Variants in APPBP2 observed in about 807,000 individuals in gnomAD.
The protein encoded by APPBP2 is amyloid protein-binding protein 2.
In APPBP2, 15 loss-of-function variants were observed where a neutral mutation model predicts 76.0. The ratio of observed to expected loss-of-function variants is 0.20; its 90% CI spans 0.13 to 0.30. The LOEUF (loss-of-function observed/expected upper bound fraction) is 0.30. APPBP2 is among the 10% of genes least tolerant of loss of function. The probability of loss-of-function intolerance (pLI) is 1.00; values close to 1 mark genes in which losing one functional copy is unlikely to be tolerated. For missense variants in APPBP2, 401 were observed against 687.2 expected (o/e 0.58, Z 4.66); for synonymous variants, 222 against 242.2 (o/e 0.92, Z 0.77).
chr17:60,472,513 C>T (rs2090561129), intron 4 of APPBP2, among the ~76,000 whole-genome samples: 1 of 152,128 alleles, frequency 6.6e-6, no homozygotes, highest in East Asian at 1.9e-4. Flanking sequence ...TGTTCCAAGT[C>T]CCATTTCTGG....
chr17:60,480,967 T>A (rs760194937), intron 3 of APPBP2, among the ~76,000 whole-genome samples: 1 of 152,154 alleles, frequency 6.6e-6, no homozygotes, highest in Non-Finnish European at 1.5e-5. Flanking sequence ...TAAATAATAG[T>A]CAATACCAGT....
At chr17:60,524,949 C>T (rs2091039912) in intron 1 of APPBP2, among the ~76,000 whole-genome samples, 1 of 152,158 alleles carries the variant, frequency 6.6e-6, no homozygotes, top group Admixed American at 6.5e-5. Flanking sequence ...ATAAAGTTCT[C>T]CACACTCTGA....
chr17:60,520,776 A>G (rs973429769), intron 1 of APPBP2, among the ~76,000 whole-genome samples: 2 of 152,024 alleles, frequency 1.3e-5, no homozygotes, highest in African/African-American at 4.8e-5. Context: ...TGCCCCAGCC[A>G]GTCTTGAACT....
intron 4 of APPBP2, among the ~76,000 whole-genome samples, chr17:60,475,451 T>C (rs548095762): frequency 1.1e-4 from 16 of 152,290 alleles, no homozygotes; most frequent in Admixed American, 4.6e-4. Flanking sequence ...TTCCCTCAGA[T>C]ACGGTACATG....
Position 60,462,119 on chromosome 17 carries a change from C to T in APPBP2, c.763-58G>A, listed in dbSNP as rs117675835. 108 of 1,312,426 alleles carry T rather than the reference C, an allele frequency of 8.2e-5. 1 individual carries two copies. In the East Asian group the frequency reaches 1.1e-3, roughly 13 times the overall value. The allele number at this position is 1,312,426 out of a possible 1,614,324, so 81.3% of individuals were successfully genotyped here. A position where few individuals can be genotyped will look rare whatever the true frequency, so the allele number is the denominator to read the frequency against. On this transcript the variant is annotated intron_variant, in intron 6 of 12. Transcript: ENST00000083182. ...AACAGTTCATTAGTGTGCTAAAATACGTGTAGTTTATATATTCTGGCTATA... is the reference window on the plus strand; with the variant it reads ...AACAGTTCATTAGTGTGCTAAAATATGTGTAGTTTATATATTCTGGCTATA...
chr17:60,462,132 T>G, intron 6 of APPBP2, 71 bp from the exon 7 acceptor site: 2 of 1,176,492 alleles, frequency 1.7e-6, no homozygotes, highest in Non-Finnish European at 2.5e-6. Context: ...GTAGTTTATA[T>G]ATTCTGGCTA....
rs565437069 is a variant in APPBP2 at position 60,458,419 on chromosome 17, G to T, written c.1062-2038C>A. On this transcript the variant is annotated intron_variant, in intron 9 of 12. Coordinates refer to ENST00000083182, the MANE Select transcript of APPBP2 (RefSeq NM_006380.5). Reference sequence around the variant, plus strand: ...ACTGCACTCCAGCCTGGGCGACAGAGTGACAGACTCTGTCTCAAAAAAAAA... The same window carrying T: ...ACTGCACTCCAGCCTGGGCGACAGATTGACAGACTCTGTCTCAAAAAAAAA... 6.4e-4 allele frequency among the ~76,000 whole-genome samples: 96 copies of T among 150,424 alleles called. No individual in the cohort carries two copies. In the South Asian group the frequency reaches 8.3e-3, roughly 13 times the overall value.
At chr17:60,456,992 G>C (rs756840796) in intron 9 of APPBP2, among the ~76,000 whole-genome samples, 11 of 151,966 alleles carry the variant, frequency 7.2e-5, no homozygotes, top group Admixed American at 2.0e-4. Context: ...ACGAAAATTA[G>C]CCAGGTGTGG....
chr17:60,467,347 T>C (rs1175158131), intron 4 of APPBP2, among the ~76,000 whole-genome samples: 1 of 152,234 alleles, frequency 6.6e-6, no homozygotes, highest in Non-Finnish European at 1.5e-5. Flanking sequence ...TTATTTTTTC[T>C]ATCTATACCA....
intron 3 of APPBP2, among the ~76,000 whole-genome samples, chr17:60,486,326 G>C (rs1167813644): frequency 6.6e-6 from 1 of 152,148 alleles, no homozygotes; most frequent in African/African-American, 2.4e-5. Flanking sequence ...TATTATGTGG[G>C]AGTCTAAGTC....
intron 1 of APPBP2, among the ~76,000 whole-genome samples, chr17:60,507,732 G>C (rs2090880000): frequency 6.6e-6 from 1 of 152,004 alleles, no homozygotes; most frequent in Non-Finnish European, 1.5e-5. Flanking sequence ...TGATACTTTG[G>C]GAAAAACCTC....
At chr17:60,457,718 C>T (rs918155449) in intron 9 of APPBP2, among the ~76,000 whole-genome samples, 60 of 152,376 alleles carry the variant, frequency 3.9e-4, no homozygotes, top group African/African-American at 1.4e-3. Flanking sequence ...GCGTGGGCCA[C>T]CACGCCTGGC....
intron 1 of APPBP2, among the ~76,000 whole-genome samples, chr17:60,500,810 C>A (rs998413943): frequency 1.3e-5 from 2 of 151,878 alleles, no homozygotes; most frequent in Non-Finnish European, 2.9e-5. Flanking sequence ...ACTGGAGAGT[C>A]GGTGTAAAAT....
At position 60,444,942 on chromosome 17, in the gene APPBP2, A is replaced by G. The variant is rs2090333768; in HGVS notation, c.*2639T>C. 1 of 152,134 alleles carries G rather than the reference A, an allele frequency of 6.6e-6. No homozygotes were observed. Among genetic ancestry groups the G allele is most frequent in the South Asian group, 2.1e-4 (1 of 4,816 alleles). The allele number at this position is 152,134 out of a possible 1,614,324, so 9.4% of individuals were successfully genotyped here. A position where few individuals can be genotyped will look rare whatever the true frequency, so the allele number is the denominator to read the frequency against. ...CCTTACGCACCTCACCATATGTAAAAAGTTTGCGCAAGTTAACTTATTGTG... is the reference window on the plus strand; with the variant it reads ...CCTTACGCACCTCACCATATGTAAAGAGTTTGCGCAAGTTAACTTATTGTG... On this transcript the variant is annotated 3_prime_UTR_variant, in exon 13 of 13. Transcript: ENST00000083182.
intron 1 of APPBP2, among the ~76,000 whole-genome samples, chr17:60,504,268 C>T (rs1369052560): frequency 6.6e-6 from 1 of 151,940 alleles, no homozygotes; most frequent in African/African-American, 2.4e-5. Flanking sequence ...AAATTATCAC[C>T]CACCAGATAT....
intron 8 of APPBP2, chr17:60,461,373 T>C (rs117561098): frequency 0.023 from 3,445 of 149,786 alleles, 60 homozygotes; most frequent in Non-Finnish European, 0.035. Flanking sequence ...AAACTGTGTC[T>C]CAAAAAAAAA....
intron 12 of APPBP2, among the ~76,000 whole-genome samples, chr17:60,448,290 C>G (rs2090366054): frequency 6.6e-6 from 1 of 152,088 alleles, no homozygotes; most frequent in Non-Finnish European, 1.5e-5. Flanking sequence ...TGGTGAATAC[C>G]CGTCTCTACT....
At chr17:60,451,429 C>A (rs1032282538) in intron 12 of APPBP2, among the ~76,000 whole-genome samples, 16 of 152,032 alleles carry the variant, frequency 1.1e-4, no homozygotes, top group Non-Finnish European at 2.4e-4. Flanking sequence ...CAACTTATCC[C>A]ATTTAAATCT....
At chr17:60,488,538 T>C (rs1174461767) in intron 3 of APPBP2, among the ~76,000 whole-genome samples, 1 of 152,164 alleles carries the variant, frequency 6.6e-6, no homozygotes, top group Admixed American at 6.5e-5. Flanking sequence ...ATGGGTACTG[T>C]TTTCTTTTTG....
Sources: gnomAD v4.1 joint callset for allele counts (sites outside exome capture counted in the v4.1 genomes callset) on GRCh38, gnomAD v4.1.1 for gene constraint, MANE v1.5 for transcripts, NCBI Gene and HGNC (gene_info 2026-07-23, HGNC 2026-07-21) for gene names.